Variants in IRX4 observed in about 807,000 individuals in gnomAD.
IRX4 encodes iroquois homeobox 4, also known as iroquois-class homeodomain protein IRX-4.
Under a neutral mutation model 32.0 loss-of-function variants are expected in IRX4, and 22 were observed. That is an observed-to-expected ratio of 0.69 (90% CI 0.49 to 0.98). The LOEUF is 0.98. Among genes scored for constraint, IRX4 ranks in the 50% least tolerant of loss-of-function variants. The probability of loss-of-function intolerance (pLI) is 0.00; values close to 1 mark genes in which losing one functional copy is unlikely to be tolerated. For synonymous variants in IRX4, 379 were observed against 351.7 expected, an observed-to-expected ratio of 1.08 and a Z score of -0.87; for missense variants, 840 against 744.2, an observed-to-expected ratio of 1.13 and a Z score of -1.50.
chr5:1,881,405 A>G (rs1373209795), intron 2 of IRX4, among the ~76,000 whole-genome samples: 4 of 146,746 alleles, frequency 2.7e-5, no homozygotes. Flanking sequence ...GAAGAGGGAG[A>G]TAGGAAGGAT....
At position 1,882,884 on chromosome 5, in the gene IRX4, G is replaced by T; in HGVS notation, c.-237C>A. On this transcript the variant is annotated 5_prime_UTR_variant, in exon 1 of 5. Coordinates refer to ENST00000231357, the MANE Select transcript of IRX4 (RefSeq NM_016358.3). ...TTCCGGAGGCTCGAGGGGGCTCTGG[G>T]ACCGAGCGGCCTCGCAGCGGCGACA... The T allele has an allele frequency of 2.7e-6, 1 of 375,932 alleles. No homozygotes were observed. The allele number at this position is 375,932 out of a possible 1,614,324, so 23.3% of individuals were successfully genotyped here. A position where few individuals can be genotyped will look rare whatever the true frequency, so the allele number is the denominator to read the frequency against.
In IRX4 at chr5:1,879,534, C is replaced by T. The variant is rs1735348924; in HGVS notation, c.706G>A (p.Glu236Lys). ...TTCTTGGAGCTCTTGAGGGGCTCCT[C>T]CCGCGCCTCCTCCTCGCCCCCCTCC... ...EEEGGEEEAR[E>K]EPLKSSKNAE... Residue 236 changes from glutamate to lysine, a missense_variant, in exon 4 of 5, where the codon GAG (glutamate) becomes AAG (lysine). Physicochemically the swap from Glu to Lys is moderately conservative, Grantham distance 56. Around this residue, in one of 3 missense-constraint regions of IRX4, gnomAD observed 585 missense variants for 488.0 expected, o/e 1.20. Coordinates refer to ENST00000231357, the MANE Select transcript of IRX4 (RefSeq NM_016358.3). 1.9e-6 allele frequency: 3 copies of T among 1,613,300 alleles called. No homozygotes were observed. The highest frequency in any genetic ancestry group is 1.3e-5 in the African/African-American group (1 of 74,946).
chr5:1,879,471 G>A, intron 4 of IRX4, 33 bp downstream of exon 4: 1 of 1,612,684 alleles, frequency 6.2e-7, no homozygotes, highest in Non-Finnish European at 8.5e-7. Flanking sequence ...GCACTCCAGG[G>A]CCTCAGCCCC....
rs1735348806 is a variant in IRX4, at chr5:1,879,532, C to T, written c.708G>A (p.Glu236=). Residue 236 remains glutamate, a synonymous_variant, in exon 4 of 5, where the codon GAG becomes GAA. Transcript: ENST00000231357. The part of the protein sequence containing the change: ...EEEGGEEEAR[E]EPLKSSKNAE... Reference sequence around the variant, plus strand: ...CGTTCTTGGAGCTCTTGAGGGGCTCCTCCCGCGCCTCCTCCTCGCCCCCCT... The same window carrying T: ...CGTTCTTGGAGCTCTTGAGGGGCTCTTCCCGCGCCTCCTCCTCGCCCCCCT... 3 of 1,613,370 alleles carry T rather than the reference C, an allele frequency of 1.9e-6. No individual in the cohort carries two copies. The East Asian group carries it at 6.7e-5, about 36-fold the overall frequency.
chr5:1,885,165 C>A (rs1735588150), upstream of IRX4, among the ~76,000 whole-genome samples: 1 of 152,218 alleles, frequency 6.6e-6, no homozygotes, highest in Non-Finnish European at 1.5e-5. Context: ...TCTAGTGCAA[C>A]AGCTCAGCCC....
In IRX4 at chr5:1,877,978, G is replaced by T; in HGVS notation, c.1551C>A (p.Phe517Leu). The T allele has an allele frequency of 1.3e-6, 2 of 1,501,426 alleles. No homozygotes were observed. The highest frequency in any genetic ancestry group is 2.9e-5 in the African/African-American group (2 of 69,602). 93.0% of individuals were successfully genotyped at this position (1,501,426 alleles called of 1,614,324 possible). ...LALPKAGGKPFCA is the reference protein window; with the variant it reads ...LALPKAGGKPLCA ...TCGGGACCCGCCCGCCTCAGGCGCA[G>T]AAGGGTTTGCCGCCGGCCTTGGGCA... The change falls in exon 5 of 5, where the codon TTC becomes TTA. Residue 517 changes from phenylalanine to leucine, a missense_variant. By Grantham distance (22) the Phe-to-Leu change is conservative. This residue lies in a region of IRX4 where 585 missense variants were observed against 488.0 expected (regional missense o/e 1.20). Transcript: ENST00000231357.
chr5:1,877,817 A>T lies in IRX4; in HGVS notation c.*152T>A. 1 of 721,748 alleles carries T rather than the reference A, an allele frequency of 1.4e-6. No homozygotes were observed. The highest frequency in any genetic ancestry group is 2.2e-6 in the Non-Finnish European group (1 of 464,572). The allele number at this position is 721,748 out of a possible 1,614,324, so 44.7% of individuals were successfully genotyped here. A position where few individuals can be genotyped will look rare whatever the true frequency, so the allele number is the denominator to read the frequency against. ...CGGCGTGGCAGCGCCGGGCTTGTCC[A>T]TGTTCCCAGGAGTCCAAGTTCAGAA... On this transcript the variant is annotated 3_prime_UTR_variant, in exon 5 of 5. Transcript: ENST00000231357.
At chr5:1,879,121 A>G (rs1328972675) in intron 4 of IRX4, among the ~76,000 whole-genome samples, 1 of 151,810 alleles carries the variant, frequency 6.6e-6, no homozygotes, top group African/African-American at 2.4e-5. Context: ...CCTCCCGAGT[A>G]GCTGGGACTA....
chr5:1,878,092 G>A lies in IRX4; in HGVS notation c.1437C>T (p.Asn479=). Residue 479 remains asparagine, a synonymous_variant, in exon 5 of 5, where the codon AAC becomes AAT. Coordinates refer to ENST00000231357, the MANE Select transcript of IRX4 (RefSeq NM_016358.3). ...PLGRSLGAGA[N]VLTAPLARAF... is the part of the protein sequence containing the mutation. Reference sequence around the variant, plus strand: ...CGCGGGCCAGGGGTGCAGTCAGCACGTTCGCGCCCGCCCCCAGCGAGCGTC... The same window carrying A: ...CGCGGGCCAGGGGTGCAGTCAGCACATTCGCGCCCGCCCCCAGCGAGCGTC... 6.5e-7 allele frequency: 1 copy of A among 1,532,944 alleles called. No individual in the cohort carries two copies. 95.0% of individuals were successfully genotyped at this position (1,532,944 alleles called of 1,614,324 possible).
chr5:1,882,227 C>T (rs1156783214), intron 1 of IRX4, among the ~76,000 whole-genome samples, 168 bp from the exon 2 acceptor site: 1 of 152,174 alleles, frequency 6.6e-6, no homozygotes, highest in African/African-American at 2.4e-5. Context: ...GCGCGTCTGG[C>T]CTCCTCCGCC....
chr5:1,886,022 C>G (rs909253177), upstream of IRX4, among the ~76,000 whole-genome samples: 27 of 152,382 alleles, frequency 1.8e-4, no homozygotes, highest in Admixed American at 8.5e-4. Flanking sequence ...TCCCGCTGGC[C>G]TGGAGCGCTC....
At chr5:1,879,153 G>C (rs1042596189) in intron 4 of IRX4, among the ~76,000 whole-genome samples, 12 of 152,024 alleles carry the variant, frequency 7.9e-5, no homozygotes, top group Non-Finnish European at 1.6e-4. Context: ...CACCACGCCC[G>C]GCTAATTTTT....
intron 2 of IRX4, 119 bp downstream of exon 2, chr5:1,881,689 G>T: frequency 7.8e-7 from 1 of 1,278,786 alleles, no homozygotes; most frequent in East Asian, 2.5e-5. Context: ...GGCAGCCAAG[G>T]TGAGCGCCTC....
Position 1,881,924 on chromosome 5 carries a change from G to A in IRX4, c.181C>T (p.Arg61Cys). ...VYESRLLATA[R>C]HELNSAAALG... ...GCCGCGGCCGAGTTGAGCTCGTGGC[G>A]CGCGGTGGCCAGCAGCCGGCTCTCG... The change falls in exon 2 of 5, where the codon CGC becomes TGC. Residue 61 changes from arginine to cysteine, a missense_variant. Physicochemically the swap from Arg to Cys is radical, Grantham distance 180. This residue lies in a region of IRX4 where 241 missense variants were observed against 220.8 expected (regional missense o/e 1.09). Coordinates refer to ENST00000231357, the MANE Select transcript of IRX4 (RefSeq NM_016358.3). 6.3e-7 allele frequency: 1 copy of A among 1,579,938 alleles called. No individual in the cohort carries two copies. The highest frequency in any genetic ancestry group is 2.4e-5 in the East Asian group (1 of 42,416).
Position 1,879,767 on chromosome 5 carries a change from T to C in IRX4, c.473A>G (p.Lys158Arg), listed in dbSNP as rs775747527. ...CTTGCGGTGCTCCTGCAGCCAGGCC[T>C]TGAGCGTGCTGGTGGTCTCGCGCGT... ...NATRETTSTL[K>R]AWLQEHRKNP... The change falls in exon 4 of 5, where the codon AAG becomes AGG. Residue 158 changes from lysine to arginine, a missense_variant. Lys to Arg is a conservative substitution (Grantham distance 26). This residue lies in a region of IRX4 where 241 missense variants were observed against 220.8 expected (regional missense o/e 1.09). Coordinates refer to ENST00000231357, the MANE Select transcript of IRX4 (RefSeq NM_016358.3). The C allele has an allele frequency of 1.9e-6, 3 of 1,614,224 alleles. No homozygotes were observed. Among genetic ancestry groups the C allele is most frequent in the Middle Eastern group, 1.6e-4 (1 of 6,062 alleles).
upstream of IRX4, chr5:1,884,489 C>G (rs140979757): frequency 4.6e-4 from 70 of 152,336 alleles, no homozygotes; most frequent in African/African-American, 1.5e-3. Context: ...GATGAAAATA[C>G]GAGTTCTCCG....
upstream of IRX4, among the ~76,000 whole-genome samples, chr5:1,884,978 C>A (rs1735581793): frequency 6.7e-6 from 1 of 149,396 alleles, no homozygotes; most frequent in Admixed American, 6.6e-5. Context: ...GTGAGCCCAG[C>A]CGGGCCAAGG....
chr5:1,884,920 C>G (rs59156267), upstream of IRX4, among the ~76,000 whole-genome samples: 2 of 148,984 alleles, frequency 1.3e-5, no homozygotes, highest in East Asian at 4.2e-4. Context: ...TTATTGTTTA[C>G]AAACTACTCG....
Position 1,882,036 on chromosome 5 carries a change from C to T in IRX4, c.69G>A (p.Leu23=). The change falls in exon 2 of 5, where the codon CTG becomes CTA. Residue 23 remains leucine (L), a synonymous_variant. Coordinates refer to ENST00000231357, the MANE Select transcript of IRX4 (RefSeq NM_016358.3). ...APQFLMATNS[L]STCCESGGRT... ...GGCCTCCGGACTCGCAGCACGTGCT[C>T]AGGGAGTTGGTGGCCATCAAGAACT... 8 of 1,552,700 alleles carry T rather than the reference C, an allele frequency of 5.2e-6. No individual in the cohort carries two copies. Among genetic ancestry groups the T allele is most frequent in the Non-Finnish European group, 6.1e-6 (7 of 1,149,322 alleles).
Sources: allele counts gnomAD v4.1 joint callset (sites outside exome capture counted in the v4.1 genomes callset), GRCh38; gene constraint gnomAD v4.1.1; regional missense constraint gnomAD v4.1.1; transcripts MANE v1.5; gene names NCBI Gene and HGNC (gene_info 2026-07-23, HGNC 2026-07-21).